Variants in CHN1 observed in about 807,000 individuals in gnomAD.
The protein encoded by CHN1 is chimerin 1.
In CHN1, 37 loss-of-function variants were observed where a neutral mutation model predicts 59.5. That is an observed-to-expected ratio of 0.62 (90% CI 0.48 to 0.82). CHN1 has a LOEUF of 0.82. Among genes scored for constraint, CHN1 ranks in the 40% least tolerant of loss-of-function variants. The pLI is 0.00. For missense variants in CHN1, 469 were observed against 571.0 expected (o/e 0.82, Z 1.82); for synonymous variants, 206 against 200.4 (o/e 1.03, Z -0.24).
At chr2:174,979,631 G>A (rs2105447858) in intron 1 of CHN1, among the ~76,000 whole-genome samples, 1 of 152,058 alleles carries the variant, frequency 6.6e-6, no homozygotes, top group Non-Finnish European at 1.5e-5. Flanking sequence ...TGGCCAACAC[G>A]GTGAAACCCC....
At chr2:174,905,319 A>C (rs571542550) in intron 5 of CHN1, among the ~76,000 whole-genome samples, 1 of 152,298 alleles carries the variant, frequency 6.6e-6, no homozygotes, top group East Asian at 1.9e-4. Flanking sequence ...CATCCTCTTT[A>C]TGTACAAGTT....
chr2:174,806,630 T>C (rs914882362), intron 11 of CHN1, among the ~76,000 whole-genome samples: 2 of 152,152 alleles, frequency 1.3e-5, no homozygotes, highest in African/African-American at 2.4e-5. Context: ...CCGCCGCCCC[T>C]AGTGAGCAAT....
intron 5 of CHN1, among the ~76,000 whole-genome samples, chr2:174,903,285 T>C (rs1184108628): frequency 1.3e-5 from 2 of 152,216 alleles, no homozygotes; most frequent in Admixed American, 1.3e-4. Flanking sequence ...CACAAGGTAA[T>C]GATGGCTTTT....
At chr2:174,841,515 C>T (rs1175005212) in intron 7 of CHN1, among the ~76,000 whole-genome samples, 3 of 152,174 alleles carry the variant, frequency 2.0e-5, no homozygotes, top group Non-Finnish European at 2.9e-5. Flanking sequence ...TGTCCGATTG[C>T]CTTAGGCAGA....
intron 1 of CHN1, among the ~76,000 whole-genome samples, chr2:174,952,594 T>A (rs1558995358): frequency 6.6e-6 from 1 of 152,224 alleles, no homozygotes; most frequent in Non-Finnish European, 1.5e-5. Context: ...ACCAGATTAA[T>A]CATTTTAATC....
At position 174,803,352 on chromosome 2, in the gene CHN1, C is replaced by G. The variant is rs533382416; in HGVS notation, c.1103-1540G>C. Among the ~76,000 whole-genome samples, 6 of 152,286 alleles carry G rather than the reference C, an allele frequency of 3.9e-5. No individual in the cohort carries two copies. In the South Asian group the frequency reaches 1.2e-3, roughly 32 times the overall value. Reference sequence around the variant, plus strand: ...ACAAATTTTGACCATTTTACAATCTCTACCCCAAATTTCTTCACAGTTCCT... The same window carrying G: ...ACAAATTTTGACCATTTTACAATCTGTACCCCAAATTTCTTCACAGTTCCT... On this transcript the variant is annotated intron_variant, in intron 11 of 12. Transcript: ENST00000409900.
chr2:174,875,967 T>C (rs1343906610), intron 6 of CHN1: 1 of 293,116 alleles, frequency 3.4e-6, no homozygotes, highest in Non-Finnish European at 5.1e-6. Context: ...AAATGATTCT[T>C]AATTATGTAC....
intron 1 of CHN1, among the ~76,000 whole-genome samples, chr2:174,959,154 G>C (rs1486771615): frequency 6.6e-6 from 1 of 151,964 alleles, no homozygotes; most frequent in Non-Finnish European, 1.5e-5. Context: ...TTTTTTGCTG[G>C]TAGAAGTCTA....
chr2:174,965,452 TA>T (rs1377301219), intron 1 of CHN1, among the ~76,000 whole-genome samples: 5 of 152,168 alleles, frequency 3.3e-5, no homozygotes, highest in African/African-American at 1.2e-4. Flanking sequence ...TTAAGCTGTT[TA>T]TTTTTTTAGG....
At chr2:174,837,279 C>G (rs1686118167) in intron 7 of CHN1, 1 of 152,148 alleles carries the variant, frequency 6.6e-6, no homozygotes, top group Non-Finnish European at 1.5e-5. Context: ...AGGCAGAGCA[C>G]AAGCAGAGAT....
chr2:174,822,905 G>A (rs1215649733), intron 8 of CHN1, among the ~76,000 whole-genome samples: 4 of 152,214 alleles, frequency 2.6e-5, no homozygotes, highest in African/African-American at 9.6e-5. Context: ...AAGTCCACAC[G>A]TGTAGGATTC....
At chr2:174,862,357 G>A (rs1490383954) in intron 6 of CHN1, among the ~76,000 whole-genome samples, 4 of 147,842 alleles carry the variant, frequency 2.7e-5, no homozygotes, top group African/African-American at 1.0e-4. Flanking sequence ...TTTTTGAGAC[G>A]GAGTCTTGCT....
chr2:174,943,963 T>C (rs1293861539), intron 3 of CHN1, among the ~76,000 whole-genome samples: 4 of 152,152 alleles, frequency 2.6e-5, no homozygotes, highest in African/African-American at 7.2e-5. Context: ...GACCAGACTA[T>C]ATATTTTTTA....
At chr2:174,988,977 G>A (rs1017781960) in intron 1 of CHN1, among the ~76,000 whole-genome samples, 9 of 152,108 alleles carry the variant, frequency 5.9e-5, no homozygotes, top group African/African-American at 2.2e-4. Context: ...TTCAAAAATA[G>A]TAGTGAAATT....
chr2:174,849,272 C>A (rs936552317), intron 6 of CHN1, among the ~76,000 whole-genome samples: 10 of 152,060 alleles, frequency 6.6e-5, no homozygotes, highest in Admixed American at 2.0e-4. Flanking sequence ...TAAAAGTAAA[C>A]ATTTTGTCAT....
chr2:174,820,296 G>C (rs1685440052), intron 8 of CHN1, among the ~76,000 whole-genome samples: 2 of 152,168 alleles, frequency 1.3e-5, no homozygotes. Flanking sequence ...CAGTGTAAAA[G>C]TGTTCCTATT....
intron 5 of CHN1, among the ~76,000 whole-genome samples, chr2:174,885,054 A>G (rs969441344): frequency 2.0e-5 from 3 of 151,892 alleles, no homozygotes; most frequent in Admixed American, 6.5e-5. Context: ...TTGGGAGGCC[A>G]AGGTGGGCGG....
rs181628551 is a variant in CHN1 at position 174,943,362 on chromosome 2, G to A, written c.114+1526C>T. Among the ~76,000 whole-genome samples, 1,168 of 151,532 alleles carry A rather than the reference G, an allele frequency of 7.7e-3. 9 individuals carry two copies. The highest frequency in any genetic ancestry group is 0.013 in the Non-Finnish European group (848 of 67,646). On this transcript the variant is annotated intron_variant, in intron 3 of 12. Transcript: ENST00000409900. ...CTGCCTCAGCCTCCTGAGTAGCTGG[G>A]ATTACAGGCACCTGCCACCACAACC...
Position 174,861,529 on chromosome 2 carries a change from T to A in CHN1, c.550-14572A>T, listed in dbSNP as rs77573016. 2.6e-3 allele frequency among the ~76,000 whole-genome samples: 390 copies of A among 152,334 alleles called. 4 individuals carry two copies. The highest frequency in any genetic ancestry group is 8.7e-3 in the African/African-American group (362 of 41,586). On this transcript the variant is annotated intron_variant, in intron 6 of 12. Coordinates refer to ENST00000409900, the MANE Select transcript of CHN1 (RefSeq NM_001822.7). ...GTCTCCTGCCCTTATACTGTCAGAA[T>A]AGATTTAATACAAAGAAATGTATAA...
Sources: allele counts gnomAD v4.1 joint callset (sites outside exome capture counted in the v4.1 genomes callset), GRCh38; gene constraint gnomAD v4.1.1; transcripts MANE v1.5; gene names NCBI Gene and HGNC (gene_info 2026-07-23, HGNC 2026-07-21).